ELOVL7: variants seen among roughly 807,000 people sequenced by gnomAD.
ELOVL7 encodes the protein ELOVL fatty acid elongase 7.
Under a neutral mutation model 35.7 loss-of-function variants are expected in ELOVL7, and 27 were observed. The observed-to-expected ratio is 0.76, with a 90% confidence interval of 0.56 to 1.04. The LOEUF (loss-of-function observed/expected upper bound fraction) is 1.04, where lower values mean the gene tolerates loss of function less well. Ranked by LOEUF, ELOVL7 falls within the 50% of genes least tolerant of loss-of-function variation. The pLI, the probability that ELOVL7 is intolerant of heterozygous loss-of-function variation, is 0.00. For missense variants in ELOVL7, 327 were observed against 340.8 expected (o/e 0.96, Z 0.32); for synonymous variants, 113 against 114.6 (o/e 0.99, Z 0.09).
intron 7 of ELOVL7, among the ~76,000 whole-genome samples, chr5:60,762,230 C>T (rs1006121881): frequency 9.3e-5 from 13 of 139,202 alleles, no homozygotes; most frequent in Admixed American, 1.6e-4. Flanking sequence ...ACCTGGGAAG[C>T]GGAGGTTGCA....
chr5:60,778,365 A>G (rs1334877465), intron 3 of ELOVL7, among the ~76,000 whole-genome samples: 1 of 152,154 alleles, frequency 6.6e-6, no homozygotes, highest in Non-Finnish European at 1.5e-5. Context: ...GTATTAGTCC[A>G]CTCATGCACT....
In ELOVL7 at chr5:60,787,317, G is replaced by A; in HGVS notation, c.64+17C>T. 6.3e-7 allele frequency: 1 copy of A among 1,576,600 alleles called. No individual in the cohort carries two copies. On this transcript the variant is annotated intron_variant, in intron 3 of 8. Transcript: ENST00000508821. ...AAAAGGAAGGATGAACCTCAATTAG[G>A]AAATGTGGTTACTCACCAGCATCTT...
At chr5:60,768,033 T>G (rs1742351691) in intron 4 of ELOVL7, 130 bp from the exon 5 acceptor site, 1 of 624,842 alleles carries the variant, frequency 1.6e-6, no homozygotes, top group Non-Finnish European at 2.9e-6. Flanking sequence ...AAAAGGTAGC[T>G]GGAACAAATA....
chr5:60,786,515 A>G (rs931651459), intron 3 of ELOVL7, among the ~76,000 whole-genome samples: 10 of 152,132 alleles, frequency 6.6e-5, no homozygotes, highest in Admixed American at 3.3e-4. Context: ...TGAAACATTG[A>G]CTTTTAAAAT....
intron 7 of ELOVL7, among the ~76,000 whole-genome samples, chr5:60,761,771 T>G (rs1741925271): frequency 6.6e-6 from 1 of 152,066 alleles, no homozygotes; most frequent in Non-Finnish European, 1.5e-5. Context: ...GTAAAATATA[T>G]CGTATAGAGT....
At chr5:60,803,817 G>A (rs1028057955) in intron 1 of ELOVL7, among the ~76,000 whole-genome samples, 3 of 152,096 alleles carry the variant, frequency 2.0e-5, no homozygotes, top group Non-Finnish European at 4.4e-5. Context: ...TTTCAATCAA[G>A]TTTAAGAGTA....
intron 1 of ELOVL7, among the ~76,000 whole-genome samples, chr5:60,810,440 T>C (rs1404825239): frequency 2.0e-5 from 3 of 152,254 alleles, no homozygotes; most frequent in African/African-American, 7.2e-5. Flanking sequence ...AAATTTCTGC[T>C]TAAAAAGCTT....
chr5:60,801,750 G>A (rs1744630127), intron 1 of ELOVL7, among the ~76,000 whole-genome samples: 1 of 151,834 alleles, frequency 6.6e-6, no homozygotes, highest in African/African-American at 2.4e-5. Flanking sequence ...GCGAGCAGAA[G>A]GAAGGATAAG....
Position 60,771,945 on chromosome 5 carries a change from G to T in ELOVL7, c.213C>A (p.Tyr71Ter). ...PFELKKAMIT[Y>*]NFFIVLFSVY... is the part of the protein sequence containing the mutation. ...CAGAAAAGAGTACTATGAAAAAATTGTACGTTATCATTGCTTTCTTGAGTT... is the reference window on the plus strand; with the variant it reads ...CAGAAAAGAGTACTATGAAAAAATTTTACGTTATCATTGCTTTCTTGAGTT... The change falls in exon 4 of 9, where the codon TAC becomes TAA. Residue 71 changes from tyrosine to a stop codon, truncating the protein, a stop_gained. Transcript: ENST00000508821. LOFTEE classifies it high-confidence loss of function. 1 of 1,613,634 alleles carries T rather than the reference G, an allele frequency of 6.2e-7. No homozygotes were observed.
intron 1 of ELOVL7, among the ~76,000 whole-genome samples, chr5:60,825,781 G>T (rs1018476233): frequency 6.6e-6 from 1 of 152,206 alleles, no homozygotes; most frequent in Non-Finnish European, 1.5e-5. Context: ...TGAAAGTATG[G>T]TTAATAGTAA....
chr5:60,829,139 A>G (rs1248300178), intron 1 of ELOVL7, among the ~76,000 whole-genome samples: 3 of 151,214 alleles, frequency 2.0e-5, no homozygotes, highest in Non-Finnish European at 3.0e-5. Context: ...TTCATGTTGG[A>G]AAGGTTTATA....
intron 1 of ELOVL7, among the ~76,000 whole-genome samples, chr5:60,813,043 T>G (rs960662357): frequency 6.6e-6 from 1 of 152,186 alleles, no homozygotes; most frequent in African/African-American, 2.4e-5. Flanking sequence ...TTTCTCCAAC[T>G]GCCAATAAAC....
At chr5:60,766,548 A>T (rs1561425267) in intron 6 of ELOVL7, 26 bp downstream of exon 6, 18 of 1,565,114 alleles carry the variant, frequency 1.2e-5, no homozygotes, top group Non-Finnish European at 1.5e-5. Context: ...TCAAACATTT[A>T]CCAAATGTGG....
intron 6 of ELOVL7, among the ~76,000 whole-genome samples, chr5:60,766,028 C>T (rs1018659633): frequency 3.3e-5 from 5 of 152,074 alleles, no homozygotes; most frequent in African/African-American, 7.2e-5. Context: ...AGTTCAGAGG[C>T]GATCCTCACT....
intron 1 of ELOVL7, among the ~76,000 whole-genome samples, chr5:60,817,650 G>GTA (rs571160332): frequency 3.0e-5 from 4 of 135,372 alleles, no homozygotes; most frequent in South Asian, 2.3e-4. Context: ...TATATATTAA[G>GTA]TATATATATA....
intron 1 of ELOVL7, among the ~76,000 whole-genome samples, chr5:60,808,304 C>T (rs1187924317): frequency 6.6e-6 from 1 of 151,762 alleles, no homozygotes; most frequent in Non-Finnish European, 1.5e-5. Flanking sequence ...AAATACATGA[C>T]AAAAAATAAT....
chr5:60,830,475 A>T (rs72757152), intron 1 of ELOVL7, among the ~76,000 whole-genome samples: 20,372 of 152,184 alleles, frequency 0.13, 1,879 homozygotes, highest in Non-Finnish European at 0.2. Flanking sequence ...AGGAACAGAA[A>T]CCAGAGCACA....
chr5:60,786,565 C>T (rs1021080009), intron 3 of ELOVL7, among the ~76,000 whole-genome samples: 9 of 152,062 alleles, frequency 5.9e-5, no homozygotes, highest in South Asian at 2.1e-4. Flanking sequence ...CAGAATCACT[C>T]GGAGGTGTCC....
intron 2 of ELOVL7, among the ~76,000 whole-genome samples, chr5:60,787,908 G>A (rs1037157390): frequency 3.9e-5 from 6 of 152,134 alleles, no homozygotes; most frequent in African/African-American, 7.2e-5. Flanking sequence ...TATAATTTAA[G>A]TAGAATAGAG....
Sources: allele counts gnomAD v4.1 joint callset (sites outside exome capture counted in the v4.1 genomes callset), GRCh38; gene constraint gnomAD v4.1.1; transcripts MANE v1.5; gene names NCBI Gene and HGNC (gene_info 2026-07-23, HGNC 2026-07-21).